Variants in MICAL2 observed in about 807,000 individuals in gnomAD.
MICAL2 encodes microtubule associated monooxygenase, calponin and LIM domain containing 2.
In MICAL2, 77 loss-of-function variants were observed where a neutral mutation model predicts 127.3. The observed-to-expected ratio is 0.60, with a 90% confidence interval of 0.50 to 0.73. The LOEUF (loss-of-function observed/expected upper bound fraction) is 0.73, where lower values mean the gene tolerates loss of function less well. Ranked by LOEUF, MICAL2 falls within the 30% of genes least tolerant of loss-of-function variation. The probability of loss-of-function intolerance (pLI) is 0.00; values close to 1 mark genes in which losing one functional copy is unlikely to be tolerated. For synonymous variants in MICAL2, 570 were observed against 551.1 expected (o/e 1.03, Z -0.48); for missense variants, 1,351 against 1,434.4 (o/e 0.94, Z 0.94).
intron 34 of MICAL2, among the ~76,000 whole-genome samples, chr11:12,355,737 G>T (rs1296005434): frequency 6.6e-6 from 1 of 152,190 alleles, no homozygotes; most frequent in African/African-American, 2.4e-5. Flanking sequence ...CCATGCTCAA[G>T]GTGAATGGTA....
At chr11:12,123,127 C>T (rs1395805448) in intron 1 of MICAL2, among the ~76,000 whole-genome samples, 1 of 152,100 alleles carries the variant, frequency 6.6e-6, no homozygotes, top group Non-Finnish European at 1.5e-5. Flanking sequence ...AAAAGAGCTG[C>T]CAATTAAACT....
Position 12,352,421 on chromosome 11 carries a change from C to T in MICAL2, c.5616-2363C>T, listed in dbSNP as rs148318958. 5.3e-3 allele frequency among the ~76,000 whole-genome samples: 801 copies of T among 152,272 alleles called. 5 individuals are homozygous for T. Among genetic ancestry groups the T allele is most frequent in the African/African-American group, 0.018 (731 of 41,546 alleles). ...AAGAAAACTTAGAAGAGCTCCATGG[C>T]GACAGAAGGGTCTGCCTGAGAGTCA... is the stretch of plus-strand genomic sequence containing the variant. On this transcript the variant is annotated intron_variant, in intron 33 of 34. Coordinates refer to the MICAL2 transcript ENST00000646065.
intron 29 of MICAL2, among the ~76,000 whole-genome samples, chr11:12,317,041 A>G (rs1864240352): frequency 6.6e-6 from 1 of 152,202 alleles, no homozygotes. Context: ...CTATTTGCCC[A>G]ACCTCATAGA....
At chr11:12,314,033 T>G (rs1319950308) in intron 29 of MICAL2, among the ~76,000 whole-genome samples, 1 of 142,912 alleles carries the variant, frequency 7.0e-6, no homozygotes, top group African/African-American at 2.5e-5. Context: ...GATATCCCGT[T>G]TTCCTTCTTT....
intron 14 of MICAL2, 128 bp from the exon 15 acceptor site, chr11:12,226,897 A>G (rs1301565078): frequency 1.4e-6 from 1 of 693,306 alleles, no homozygotes; most frequent in Non-Finnish European, 2.6e-6. Flanking sequence ...CTCGTGATCC[A>G]CCTGTCTTGG....
At chr11:12,356,098 A>G (rs1445890685) in intron 34 of MICAL2, among the ~76,000 whole-genome samples, 1 of 152,234 alleles carries the variant, frequency 6.6e-6, no homozygotes, top group Non-Finnish European at 1.5e-5. Flanking sequence ...CAGGATACTA[A>G]ATAAATACCA....
chr11:12,311,647 C>A (rs562897283), intron 29 of MICAL2, among the ~76,000 whole-genome samples: 1 of 152,226 alleles, frequency 6.6e-6, no homozygotes, highest in South Asian at 2.1e-4. Flanking sequence ...TTGGCCTGAT[C>A]CACCTGCCTC....
At chr11:12,255,866 A>C (rs77308380) in intron 23 of MICAL2, 116 bp downstream of exon 23, 7,649 of 738,856 alleles carry the variant, frequency 0.01, 52 homozygotes, top group Admixed American at 0.015. Flanking sequence ...TTCTCTTGGA[A>C]CAAGAGGGGG....
intron 1 of MICAL2, among the ~76,000 whole-genome samples, chr11:12,127,154 AG>A (rs1363774602): frequency 6.6e-6 from 1 of 152,214 alleles, no homozygotes; most frequent in Admixed American, 6.5e-5. Context: ...AGGGTCTCAC[AG>A]GGAACTCTTG....
chr11:12,132,120 C>G (rs1438076961), intron 1 of MICAL2, among the ~76,000 whole-genome samples: 1 of 152,184 alleles, frequency 6.6e-6, no homozygotes, highest in African/African-American at 2.4e-5. Context: ...AGGCAACACC[C>G]ATCCTCCTAC....
At chr11:12,300,010 C>A (rs555587442) in intron 29 of MICAL2, among the ~76,000 whole-genome samples, 1 of 152,276 alleles carries the variant, frequency 6.6e-6, no homozygotes, top group South Asian at 2.1e-4. Flanking sequence ...ATCTAGTCCT[C>A]TAGACTGGGC....
At chr11:12,327,903 A>G (rs1864373211) in intron 32 of MICAL2, among the ~76,000 whole-genome samples, 1 of 151,248 alleles carries the variant, frequency 6.6e-6, no homozygotes, top group Admixed American at 6.6e-5. Context: ...TCAGAGTGAG[A>G]GTCAATGTCC....
At chr11:12,199,739 C>T (rs867653281) in intron 3 of MICAL2, among the ~76,000 whole-genome samples, 42 of 152,170 alleles carry the variant, frequency 2.8e-4, no homozygotes, top group Non-Finnish European at 1.3e-4. Flanking sequence ...GTCACCATCC[C>T]CCCATCCTGA....
intron 22 of MICAL2, chr11:12,254,034 G>A (rs557384133): frequency 1.3e-5 from 2 of 152,196 alleles, no homozygotes; most frequent in Non-Finnish European, 2.9e-5. Context: ...AGGAGCTCAA[G>A]AGTCACCTCG....
intron 2 of MICAL2, among the ~76,000 whole-genome samples, chr11:12,156,110 G>T (rs80247282): frequency 0.03 from 4,545 of 152,290 alleles, 119 homozygotes; most frequent in Middle Eastern, 0.041. Context: ...AGAAGGCCAG[G>T]GCCTGCAGTG....
intron 32 of MICAL2, among the ~76,000 whole-genome samples, chr11:12,334,609 A>AC (rs1206258567): frequency 0.29 from 6,727 of 22,824 alleles, 351 homozygotes; most frequent in South Asian, 0.45. Context: ...CCCTCCCCCC[A>AC]CCCCCCCACA....
At chr11:12,178,728 T>G (rs1312998211) in intron 3 of MICAL2, among the ~76,000 whole-genome samples, 1 of 148,792 alleles carries the variant, frequency 6.7e-6, no homozygotes, top group African/African-American at 2.5e-5. Context: ...TTATTACTAT[T>G]TTTTTTTTTT....
intron 17 of MICAL2, among the ~76,000 whole-genome samples, chr11:12,240,655 C>G (rs1859782134): frequency 6.6e-6 from 1 of 152,228 alleles, no homozygotes; most frequent in Non-Finnish European, 1.5e-5. Context: ...CGGAGCGTCC[C>G]TGTCCTTGAG....
chr11:12,286,807 C>A (rs562778262), intron 2 of MICAL2: 7 of 241,660 alleles, frequency 2.9e-5, no homozygotes, highest in Non-Finnish European at 5.5e-5. Flanking sequence ...CCCGAGAGGT[C>A]GAGGGGGCAG....
Sources: gnomAD v4.1 joint callset for allele counts (sites outside exome capture counted in the v4.1 genomes callset) on GRCh38, gnomAD v4.1.1 for gene constraint, MANE v1.5 for transcripts, NCBI Gene and HGNC (gene_info 2026-07-23, HGNC 2026-07-21) for gene names.